KHDRBS2: variants seen among roughly 807,000 people sequenced by gnomAD.
The protein encoded by KHDRBS2 is KH domain-containing, RNA-binding, signal transduction-associated protein 2.
A neutral mutation model predicts 44.3 loss-of-function variants in KHDRBS2; 26 were observed. The observed-to-expected ratio is 0.59, with a 90% CI of 0.43 to 0.81. The LOEUF is 0.81. Ranked by LOEUF, KHDRBS2 falls within the 40% of genes least tolerant of loss-of-function variation. The pLI is 0.00. For missense variants in KHDRBS2, 476 were observed against 433.1 expected (o/e 1.10, Z -0.88); for synonymous variants, 194 against 151.1 (o/e 1.28, Z -2.08).
chr6:61,546,086 A>G, the KHDRBS2 span, among the ~76,000 whole-genome samples: 14 of 152,244 alleles, frequency 9.2e-5, no homozygotes, highest in Admixed American at 3.9e-4. Flanking sequence ...ACAAACACGT[A>G]AAGATATATG....
chr6:61,820,326 G>A (rs1413041088), intron 6 of KHDRBS2, among the ~76,000 whole-genome samples: 1 of 151,958 alleles, frequency 6.6e-6, no homozygotes, highest in Non-Finnish European at 1.5e-5. Flanking sequence ...TTTTGTAAGT[G>A]TAACCAAAAT....
chr6:61,908,704 C>T (rs1386447588), intron 4 of KHDRBS2, among the ~76,000 whole-genome samples: 2 of 149,448 alleles, frequency 1.3e-5, no homozygotes, highest in African/African-American at 4.9e-5. Context: ...TTCTGGAAAA[C>T]TAGAATAGTA....
chr6:62,110,299 T>C (rs1804697553), intron 2 of KHDRBS2, among the ~76,000 whole-genome samples: 1 of 152,088 alleles, frequency 6.6e-6, no homozygotes, highest in South Asian at 2.1e-4. Flanking sequence ...ATATCTGTCA[T>C]ATGATTCAGC....
the KHDRBS2 span, among the ~76,000 whole-genome samples, chr6:61,601,402 A>T: frequency 1.3e-5 from 2 of 151,940 alleles, no homozygotes; most frequent in Non-Finnish European, 2.9e-5. Flanking sequence ...CTCACATCTG[A>T]CTTAAAATCT....
chr6:62,010,516 GAAT>G (rs1780104788), intron 3 of KHDRBS2, among the ~76,000 whole-genome samples: 1 of 152,070 alleles, frequency 6.6e-6, no homozygotes, highest in Non-Finnish European at 1.5e-5. Context: ...ACCAGGGGTG[GAAT>G]AATATGGTCT....
chr6:62,132,465 T>A, intron 2 of KHDRBS2, among the ~76,000 whole-genome samples: 1 of 152,178 alleles, frequency 6.6e-6, no homozygotes, highest in East Asian at 1.9e-4. Flanking sequence ...TGGAGACCAA[T>A]ATCTTGTCTC....
rs746833276 is a variant in KHDRBS2 at position 61,993,495 on chromosome 6, A to G, written c.337-15283T>C. ...ATAGAGTCTGCAAAGTTTTAATCCA[A>G]TCTCTTCTGAGCATATCCCCCTCCC... On this transcript the variant is annotated intron_variant, in intron 3 of 8. Transcript: ENST00000281156. Among the ~76,000 whole-genome samples, 13 of 151,386 alleles carry G rather than the reference A, an allele frequency of 8.6e-5. 1 individual carries two copies. The highest frequency in any genetic ancestry group is 6.3e-4 in the South Asian group (3 of 4,778).
At chr6:61,759,377 A>C (rs1164086222) in intron 6 of KHDRBS2, among the ~76,000 whole-genome samples, 1 of 152,196 alleles carries the variant, frequency 6.6e-6, no homozygotes, top group East Asian at 1.9e-4. Flanking sequence ...GTTAAAATGC[A>C]ATGCCCATTC....
At chr6:62,190,065 G>T (rs1250673702) in intron 1 of KHDRBS2, among the ~76,000 whole-genome samples, 2 of 152,082 alleles carry the variant, frequency 1.3e-5, no homozygotes, top group Non-Finnish European at 2.9e-5. Flanking sequence ...ACTCTAATAT[G>T]CAAAGTTCAG....
At chr6:61,690,817 C>T (rs1767322224) in intron 8 of KHDRBS2, among the ~76,000 whole-genome samples, 2 of 151,876 alleles carry the variant, frequency 1.3e-5, no homozygotes, top group South Asian at 4.1e-4. Context: ...GAAGCAGATA[C>T]TGATAGGAAA....
At chr6:61,750,233 T>C (rs1004218733) in intron 6 of KHDRBS2, among the ~76,000 whole-genome samples, 3 of 152,206 alleles carry the variant, frequency 2.0e-5, no homozygotes, top group Non-Finnish European at 4.4e-5. Flanking sequence ...TAAAAGTCTC[T>C]GATATACTTA....
chr6:61,768,408 G>C (rs1343053228), intron 6 of KHDRBS2, among the ~76,000 whole-genome samples: 2 of 152,016 alleles, frequency 1.3e-5, no homozygotes, highest in Non-Finnish European at 2.9e-5. Context: ...TCCATGTTTA[G>C]AAATTCTCTG....
At chr6:61,928,521 T>C (rs1224400485) in intron 4 of KHDRBS2, among the ~76,000 whole-genome samples, 1 of 152,022 alleles carries the variant, frequency 6.6e-6, no homozygotes, top group African/African-American at 2.4e-5. Flanking sequence ...ATTATTCATA[T>C]TGTTATTCAC....
chr6:62,055,456 A>C (rs1790048958), intron 2 of KHDRBS2, among the ~76,000 whole-genome samples: 1 of 152,030 alleles, frequency 6.6e-6, no homozygotes, highest in Non-Finnish European at 1.5e-5. Flanking sequence ...AGTGTGGAGA[A>C]ACATGTACTT....
the KHDRBS2 span, among the ~76,000 whole-genome samples, chr6:61,573,792 GA>G: frequency 0.21 from 30,921 of 145,878 alleles, 3,434 homozygotes; most frequent in African/African-American, 0.29. Flanking sequence ...TCTGTCTCAG[GA>G]AAAAAAAAAA....
chr6:62,066,681 AAG>A lies in KHDRBS2; in HGVS notation c.220-18689_220-18688del, dbSNP rs565314352. ...TTTGATAAGGACAAATTAATCCATT[AAG>A]AGGGGCTTATTGAGCATACATTATG... On this transcript the variant is annotated intron_variant, in intron 2 of 8. Coordinates refer to ENST00000281156, the MANE Select transcript of KHDRBS2 (RefSeq NM_152688.4). Among the ~76,000 whole-genome samples the A allele has an allele frequency of 6.6e-5, 10 of 151,814 alleles. No homozygotes were observed. The South Asian group carries it at 2.1e-3, about 31-fold the overall frequency.
intron 4 of KHDRBS2, among the ~76,000 whole-genome samples, chr6:61,975,652 T>TGC (rs1772441325): frequency 1.6e-5 from 1 of 62,106 alleles, no homozygotes; most frequent in African/African-American, 7.4e-5. Flanking sequence ...ATAAGCAAGA[T>TGC]GCACACACAC....
At chr6:61,576,242 G>T in the KHDRBS2 span, among the ~76,000 whole-genome samples, 122,040 of 152,048 alleles carry the variant, frequency 0.8, 49,397 homozygotes, top group African/African-American at 0.89. Context: ...CATTTTTTTG[G>T]GTTATCTAAA....
chr6:61,566,452 C>G, the KHDRBS2 span, among the ~76,000 whole-genome samples: 1 of 152,058 alleles, frequency 6.6e-6, no homozygotes, highest in Non-Finnish European at 1.5e-5. Flanking sequence ...TCCCAATTAC[C>G]CTGATTTGAT....
Sources: allele counts gnomAD v4.1 joint callset (sites outside exome capture counted in the v4.1 genomes callset), GRCh38; gene constraint gnomAD v4.1.1; transcripts MANE v1.5; gene names NCBI Gene and HGNC (gene_info 2026-07-23, HGNC 2026-07-21).